Variants in SNTG1 observed in about 807,000 individuals in gnomAD.
SNTG1 encodes the protein gamma-1-syntrophin.
Under a neutral mutation model 74.7 loss-of-function variants are expected in SNTG1, and 39 were observed. The ratio of observed to expected loss-of-function variants is 0.52; its 90% confidence interval spans 0.40 to 0.68. SNTG1 has a LOEUF of 0.68. Among genes scored for constraint, SNTG1 ranks in the 30% least tolerant of loss-of-function variants. SNTG1 has a pLI of 0.00. For missense variants in SNTG1, 685 were observed against 609.5 expected (o/e 1.12, Z -1.30); for synonymous variants, 254 against 217.1 (o/e 1.17, Z -1.49).
At chr8:50,282,852 C>A (rs531691943) in intron 2 of SNTG1, among the ~76,000 whole-genome samples, 1 of 152,246 alleles carries the variant, frequency 6.6e-6, no homozygotes, top group South Asian at 2.1e-4. Context: ...GACATTCCAT[C>A]CAATCCTTGG....
At chr8:50,127,465 TG>T (rs2081184683) in intron 1 of SNTG1, among the ~76,000 whole-genome samples, 1 of 152,082 alleles carries the variant, frequency 6.6e-6, no homozygotes, top group African/African-American at 2.4e-5. Flanking sequence ...TTCATCAAAA[TG>T]GTTATTCTGG....
At chr8:50,491,109 C>G (rs1398377079) in intron 8 of SNTG1, 1 of 152,422 alleles carries the variant, frequency 6.6e-6, no homozygotes, top group Non-Finnish European at 1.5e-5. Flanking sequence ...GCCCAGGGCC[C>G]TTCCTGCCCC....
intron 13 of SNTG1, among the ~76,000 whole-genome samples, chr8:50,595,489 T>C (rs1424421693): frequency 1.3e-5 from 2 of 152,082 alleles, no homozygotes; most frequent in Admixed American, 6.6e-5. Context: ...AAATAAAATA[T>C]ACACTTCAGA....
chr8:50,081,972 C>A (rs1822455679), intron 1 of SNTG1, among the ~76,000 whole-genome samples: 1 of 152,104 alleles, frequency 6.6e-6, no homozygotes, highest in Non-Finnish European at 1.5e-5. Context: ...GTGCATTAGA[C>A]TGGAAAATTA....
intron 2 of SNTG1, among the ~76,000 whole-genome samples, chr8:50,203,750 G>A (rs2084083503): frequency 6.6e-6 from 1 of 151,060 alleles, no homozygotes; most frequent in African/African-American, 2.4e-5. Context: ...AATTAAATAT[G>A]TGTGTGTGTG....
intron 5 of SNTG1, among the ~76,000 whole-genome samples, chr8:50,445,903 A>G (rs185595000): frequency 9.1e-4 from 138 of 152,330 alleles, no homozygotes; most frequent in African/African-American, 2.6e-3. Context: ...CCAGTGCTAC[A>G]TAAGTGTATT....
intron 18 of SNTG1, among the ~76,000 whole-genome samples, chr8:50,788,841 TCTC>T (rs1563840825): frequency 6.8e-6 from 1 of 147,356 alleles, no homozygotes; most frequent in Non-Finnish European, 1.5e-5. Context: ...CTGTGCCTCA[TCTC>T]CTGCGGCCTC....
intron 1 of SNTG1, among the ~76,000 whole-genome samples, chr8:49,923,346 T>C (rs965149639): frequency 3.9e-5 from 6 of 152,142 alleles, no homozygotes; most frequent in African/African-American, 1.4e-4. Context: ...ATGGATAAAA[T>C]AGGCCTAATA....
chr8:50,590,350 C>A lies in SNTG1; in HGVS notation c.811-529C>A, dbSNP rs1305273048. Among the ~76,000 whole-genome samples, 4 of 152,076 alleles carry A rather than the reference C, an allele frequency of 2.6e-5. No individual in the cohort carries two copies. In the East Asian group the frequency reaches 7.7e-4, roughly 29 times the overall value. On this transcript the variant is annotated intron_variant, in intron 12 of 18. Transcript: ENST00000642720. ...TCCATGGCATATGACAGAGGAAATGCTTTCTCTGGAGACCTACTTTAAATT... is the reference window on the plus strand; with the variant it reads ...TCCATGGCATATGACAGAGGAAATGATTTCTCTGGAGACCTACTTTAAATT...
intron 2 of SNTG1, among the ~76,000 whole-genome samples, chr8:50,337,411 T>C (rs1275441401): frequency 6.6e-6 from 1 of 152,204 alleles, no homozygotes; most frequent in Non-Finnish European, 1.5e-5. Flanking sequence ...TGCTCTTTCA[T>C]GAGTTTTACC....
intron 8 of SNTG1, among the ~76,000 whole-genome samples, chr8:50,472,241 T>C (rs1479723960): frequency 6.6e-6 from 1 of 152,156 alleles, no homozygotes; most frequent in Non-Finnish European, 1.5e-5. Context: ...GCAAAAGTTA[T>C]ATTGAAAACC....
intron 1 of SNTG1, among the ~76,000 whole-genome samples, chr8:49,945,314 A>T (rs1029815488): frequency 5.9e-5 from 9 of 152,154 alleles, no homozygotes; most frequent in Non-Finnish European, 1.3e-4. Flanking sequence ...TGCAATGTGG[A>T]ACTTTTGGGA....
intron 8 of SNTG1, among the ~76,000 whole-genome samples, chr8:50,453,918 G>C (rs2093478991): frequency 6.6e-6 from 1 of 151,832 alleles, no homozygotes; most frequent in African/African-American, 2.4e-5. Context: ...ATGGTCAAGA[G>C]TGGCACAGCA....
At chr8:50,021,825 C>T (rs1461988095) in intron 1 of SNTG1, among the ~76,000 whole-genome samples, 1 of 151,526 alleles carries the variant, frequency 6.6e-6, no homozygotes, top group Non-Finnish European at 1.5e-5. Flanking sequence ...CTTGTAGCCC[C>T]AGCTAATTGC....
chr8:50,196,105 A>G (rs947880559), intron 2 of SNTG1, among the ~76,000 whole-genome samples: 1 of 152,198 alleles, frequency 6.6e-6, no homozygotes, highest in Admixed American at 6.5e-5. Context: ...AGTCTGTTTC[A>G]CACTGCTGAA....
intron 8 of SNTG1, among the ~76,000 whole-genome samples, chr8:50,477,987 C>G (rs2093710145): frequency 6.6e-6 from 1 of 152,098 alleles, no homozygotes; most frequent in Non-Finnish European, 1.5e-5. Flanking sequence ...TATATGGGTA[C>G]AATGAATGAA....
Position 50,502,856 on chromosome 8 carries a change from C to A in SNTG1, c.442C>A (p.Leu148Ile). 1 of 1,613,116 alleles carries A rather than the reference C, an allele frequency of 6.2e-7. No homozygotes were observed. The highest frequency in any genetic ancestry group is 8.5e-7 in the Non-Finnish European group (1 of 1,179,430). The change falls in exon 9 of 19, where the codon CTC becomes ATC. Residue 148 changes from leucine to isoleucine, a missense_variant. Coordinates refer to ENST00000642720, the MANE Select transcript of SNTG1 (RefSeq NM_018967.5). ...AAAAAGAGCACCTGCTTTCCTCAAACTCCCATTGAATGAAGATTGTGCATG... is the reference window on the plus strand; with the variant it reads ...AAAAAGAGCACCTGCTTTCCTCAAAATCCCATTGAATGAAGATTGTGCATG... ...FLKRAPAFLK[L>I]PLNEDCACAP...
chr8:50,202,545 G>A (rs1265264691), intron 2 of SNTG1, among the ~76,000 whole-genome samples: 1 of 151,940 alleles, frequency 6.6e-6, no homozygotes, highest in African/African-American at 2.4e-5. Flanking sequence ...TTTTACTACT[G>A]AATACTGTTC....
rs199655421 is a variant in SNTG1 at position 50,381,640 on chromosome 8, T to TTA, written c.-27-12554_-27-12553dup. Among the ~76,000 whole-genome samples the TTA allele has an allele frequency of 4.8e-3, 463 of 96,660 alleles. 10 individuals carry two copies. The highest frequency in any genetic ancestry group is 6.4e-3 in the Non-Finnish European group (312 of 48,504). 63.4% of individuals were successfully genotyped at this position (96,660 alleles called of 152,430 possible). Reference sequence around the variant, plus strand: ...TAGTTATATATATATATCCTATTAGTTATATATATATATATATATCCTATT... The same window carrying TTA: ...TAGTTATATATATATATCCTATTAGTTATATATATATATATATATATCCTATT... On this transcript the variant is annotated intron_variant, in intron 2 of 18. Coordinates refer to ENST00000642720, the MANE Select transcript of SNTG1 (RefSeq NM_018967.5).
Sources: allele counts gnomAD v4.1 joint callset (sites outside exome capture counted in the v4.1 genomes callset), GRCh38; gene constraint gnomAD v4.1.1; transcripts MANE v1.5; gene names NCBI Gene and HGNC (gene_info 2026-07-23, HGNC 2026-07-21).